PDZRN4: variants seen among roughly 807,000 people sequenced by gnomAD.
PDZRN4 encodes the protein PDZ domain-containing RING finger protein 4.
PDZRN4 carries 70 observed loss-of-function variants against 99.0 expected under a neutral mutation model. The observed-to-expected ratio is 0.71, with a 90% CI of 0.58 to 0.86. The LOEUF (loss-of-function observed/expected upper bound fraction) is 0.86, where lower values mean the gene tolerates loss of function less well. PDZRN4 is among the 40% of genes least tolerant of loss of function. PDZRN4 has a pLI of 0.00. For missense variants in PDZRN4, 1,474 were observed against 1,331.2 expected (o/e 1.11, Z -1.67); for synonymous variants, 551 against 501.6 (o/e 1.10, Z -1.32).
At chr12:41,247,753 T>C (rs1285767856) in intron 3 of PDZRN4, among the ~76,000 whole-genome samples, 1 of 152,190 alleles carries the variant, frequency 6.6e-6, no homozygotes, top group Non-Finnish European at 1.5e-5. Flanking sequence ...ATTTCCAAAA[T>C]ATTTAAAGAC....
Position 41,351,028 on chromosome 12 carries a change from A to T in PDZRN4, c.844-155428A>T, listed in dbSNP as rs368481246. Among the ~76,000 whole-genome samples the T allele has an allele frequency of 2.6e-5, 4 of 152,286 alleles. No individual in the cohort carries two copies. In the East Asian group the frequency reaches 7.7e-4, roughly 29 times the overall value. On this transcript the variant is annotated intron_variant, in intron 3 of 9. Transcript: ENST00000402685. ...AAAAGTCTAATTAAAAGGAAGTGGA[A>T]TACATGCATTTCTTCTGGAGTTTTG...
intron 3 of PDZRN4, among the ~76,000 whole-genome samples, chr12:41,205,769 T>A (rs1950845307): frequency 6.6e-6 from 1 of 151,614 alleles, no homozygotes; most frequent in South Asian, 2.1e-4. Flanking sequence ...AGATCACAGA[T>A]CATAAGTGTC....
At chr12:41,342,577 ATGACCAAC>A (rs3046868) in intron 3 of PDZRN4, among the ~76,000 whole-genome samples, 131,966 of 151,260 alleles carry the variant, frequency 0.87, 58,064 homozygotes, top group Middle Eastern at 0.95. Flanking sequence ...AGACAAACAA[ATGACCAAC>A]TGACCAACAG....
intron 5 of PDZRN4, among the ~76,000 whole-genome samples, chr12:41,541,896 G>A (rs180943467): frequency 6.6e-5 from 10 of 152,188 alleles, no homozygotes; most frequent in Admixed American, 2.0e-4. Context: ...CTTATATTTA[G>A]GCAAAAGGTA....
chr12:41,410,877 G>A (rs67859259), intron 3 of PDZRN4, among the ~76,000 whole-genome samples: 28,910 of 151,698 alleles, frequency 0.19, 3,025 homozygotes, highest in Non-Finnish European at 0.23. Flanking sequence ...AGGTTTTGGG[G>A]GATATTTTCT....
chr12:41,565,656 A>T (rs562535789), intron 8 of PDZRN4, among the ~76,000 whole-genome samples: 2 of 152,100 alleles, frequency 1.3e-5, no homozygotes, highest in Non-Finnish European at 2.9e-5. Context: ...TGCTGGGGGC[A>T]GTATTGTACA....
intron 3 of PDZRN4, among the ~76,000 whole-genome samples, chr12:41,373,745 G>A (rs1209044044): frequency 6.6e-6 from 1 of 152,144 alleles, no homozygotes; most frequent in East Asian, 1.9e-4. Context: ...GGGATTAAGA[G>A]ACTAAAGTAA....
At chr12:41,354,308 C>T (rs895880199) in intron 3 of PDZRN4, among the ~76,000 whole-genome samples, 3 of 152,154 alleles carry the variant, frequency 2.0e-5, no homozygotes. Flanking sequence ...TGAGGGCTAA[C>T]ATATAGACCA....
intron 3 of PDZRN4, among the ~76,000 whole-genome samples, chr12:41,244,458 C>T (rs1015716311): frequency 5.3e-5 from 8 of 151,956 alleles, no homozygotes; most frequent in Admixed American, 2.6e-4. Context: ...CAGTAAAATC[C>T]GAAGTTCTTT....
intron 4 of PDZRN4, 165 bp from the exon 5 acceptor site, chr12:41,509,646 G>A: frequency 2.2e-6 from 1 of 455,316 alleles, no homozygotes; most frequent in Non-Finnish European, 3.9e-6. Context: ...CGTAGAGGGA[G>A]AAAGAAAAGC....
intron 3 of PDZRN4, among the ~76,000 whole-genome samples, chr12:41,380,747 G>A (rs1457382988): frequency 6.6e-6 from 1 of 151,940 alleles, no homozygotes; most frequent in Non-Finnish European, 1.5e-5. Context: ...TTATACCAAA[G>A]TTGAAAGTGA....
At chr12:41,395,261 G>C (rs1165821274) in intron 3 of PDZRN4, among the ~76,000 whole-genome samples, 1 of 151,994 alleles carries the variant, frequency 6.6e-6, no homozygotes, top group Non-Finnish European at 1.5e-5. Context: ...CAAAGTATCT[G>C]CTCCCCACAC....
chr12:41,450,635 A>G (rs916081947), intron 3 of PDZRN4, among the ~76,000 whole-genome samples: 3 of 152,030 alleles, frequency 2.0e-5, no homozygotes, highest in African/African-American at 4.8e-5. Context: ...TCAAGAATTC[A>G]TTGAGACCAA....
At chr12:41,394,332 C>T (rs544518137) in intron 3 of PDZRN4, among the ~76,000 whole-genome samples, 2 of 152,278 alleles carry the variant, frequency 1.3e-5, no homozygotes, top group East Asian at 3.9e-4. Flanking sequence ...TATTGCAGGA[C>T]ACTCCCAAAG....
chr12:41,422,412 A>G (rs576217451), intron 3 of PDZRN4, among the ~76,000 whole-genome samples: 4 of 152,224 alleles, frequency 2.6e-5, no homozygotes, highest in Non-Finnish European at 5.9e-5. Context: ...GTAAAACTCC[A>G]CTAGAAATGG....
At chr12:41,565,305 C>T (rs1939344976) in intron 8 of PDZRN4, among the ~76,000 whole-genome samples, 1 of 151,738 alleles carries the variant, frequency 6.6e-6, no homozygotes, top group Non-Finnish European at 1.5e-5. Flanking sequence ...CTAAAGAAAC[C>T]TTCATGACAC....
At chr12:41,437,105 T>C (rs1952636619) in intron 3 of PDZRN4, among the ~76,000 whole-genome samples, 1 of 152,160 alleles carries the variant, frequency 6.6e-6, no homozygotes, top group Admixed American at 6.5e-5. Context: ...ACTTGCTAAA[T>C]ATTCTTTAGA....
chr12:41,354,896 A>T (rs1376053536), intron 3 of PDZRN4, among the ~76,000 whole-genome samples: 1 of 152,044 alleles, frequency 6.6e-6, no homozygotes, highest in Non-Finnish European at 1.5e-5. Flanking sequence ...CGTACATACC[A>T]TTACAAAGAT....
intron 7 of PDZRN4, among the ~76,000 whole-genome samples, chr12:41,556,814 T>A (rs1939174365): frequency 6.6e-6 from 1 of 152,252 alleles, no homozygotes; most frequent in Admixed American, 6.5e-5. Context: ...AAACCTGCCT[T>A]CACCTGCTTG....
Sources: allele counts gnomAD v4.1 joint callset (sites outside exome capture counted in the v4.1 genomes callset), GRCh38; gene constraint gnomAD v4.1.1; transcripts MANE v1.5; gene names NCBI Gene and HGNC (gene_info 2026-07-23, HGNC 2026-07-21).